SHANK2: variants seen among roughly 807,000 people sequenced by gnomAD.
SHANK2 encodes SH3 and multiple ankyrin repeat domains protein 2.
A neutral mutation model predicts 133.7 loss-of-function variants in SHANK2; 43 were observed. That is an observed-to-expected ratio of 0.32 (90% confidence interval 0.25 to 0.41). The LOEUF is 0.41. Among genes scored for constraint, SHANK2 ranks in the 10% least tolerant of loss-of-function variants. SHANK2 has a pLI of 1.00. For synonymous variants in SHANK2, 1,017 were observed against 952.8 expected, an observed-to-expected ratio of 1.07 and a Z score of -1.24; for missense variants, 1,994 against 2,235.8, an observed-to-expected ratio of 0.89 and a Z score of 2.18.
chr11:70,640,500 G>A (rs1360609170), intron 17 of SHANK2, among the ~76,000 whole-genome samples: 4 of 152,240 alleles, frequency 2.6e-5, no homozygotes, highest in South Asian at 2.1e-4. Context: ...GTGAGTGAAC[G>A]CATCGCTGTT....
chr11:70,696,306 C>G (rs1555022224), intron 15 of SHANK2, among the ~76,000 whole-genome samples: 1 of 152,188 alleles, frequency 6.6e-6, no homozygotes, highest in Non-Finnish European at 1.5e-5. Context: ...ACTACAACAC[C>G]CTAGCCAGCT....
chr11:70,825,240 C>G (rs1401137564), intron 11 of SHANK2, among the ~76,000 whole-genome samples: 1 of 152,124 alleles, frequency 6.6e-6, no homozygotes, highest in Admixed American at 6.5e-5. Flanking sequence ...TATAAAAGAA[C>G]AGAACAGATA....
chr11:70,772,246 C>T (rs1159551580), intron 14 of SHANK2, among the ~76,000 whole-genome samples: 4 of 151,810 alleles, frequency 2.6e-5, no homozygotes, highest in South Asian at 4.2e-4. Flanking sequence ...TTGAGACCAG[C>T]CTGGCCAACA....
chr11:71,084,929 A>T (rs1243222566), intron 8 of SHANK2, among the ~76,000 whole-genome samples: 1 of 152,134 alleles, frequency 6.6e-6, no homozygotes, highest in Non-Finnish European at 1.5e-5. Flanking sequence ...GCTCAGGACA[A>T]TGAATGCCCC....
intron 17 of SHANK2, among the ~76,000 whole-genome samples, chr11:70,641,136 C>T (rs1421323535): frequency 6.9e-6 from 1 of 144,194 alleles, no homozygotes; most frequent in Non-Finnish European, 1.5e-5. Context: ...TGCTGTGTTG[C>T]CCAGGCTGGA....
chr11:70,863,537 A>G (rs1949297651), intron 11 of SHANK2: 2 of 457,892 alleles, frequency 4.4e-6, no homozygotes, highest in Admixed American at 2.3e-5. Flanking sequence ...GCAAATCCTC[A>G]TTTTAACTCT....
intron 10 of SHANK2, among the ~76,000 whole-genome samples, chr11:70,928,883 T>G (rs562796060): frequency 6.6e-6 from 1 of 151,980 alleles, no homozygotes; most frequent in African/African-American, 2.4e-5. Context: ...TGAAGAACGG[T>G]AGGGGGTGAC....
chr11:71,177,862 CAAT>C (rs1451663307), intron 2 of SHANK2, among the ~76,000 whole-genome samples: 5 of 151,990 alleles, frequency 3.3e-5, no homozygotes, highest in South Asian at 2.1e-4. Context: ...ATCAAAACAA[CAAT>C]GAGATACCAC....
At chr11:70,481,922 G>A (rs1410935654) in intron 25 of SHANK2, among the ~76,000 whole-genome samples, 4 of 151,342 alleles carry the variant, frequency 2.6e-5, no homozygotes, top group African/African-American at 7.3e-5. Context: ...CAGCCCTCAC[G>A]GCAAGGGGGA....
chr11:70,500,527 G>A lies in SHANK2; in HGVS notation c.2308+43C>T, dbSNP rs782188402. 2.5e-6 allele frequency: 4 copies of A among 1,590,390 alleles called. No homozygotes were observed. The African/African-American group carries it at 4.0e-5, about 16-fold the overall frequency. ...AAAGGATGTTTCTGTTCCACAGGGG[G>A]GTGATGGGCAGGGGGCTGAGACAGA... On this transcript the variant is annotated intron_variant, in intron 21 of 25. Coordinates refer to ENST00000601538, the MANE Select transcript of SHANK2 (RefSeq NM_012309.5). This position sits in a 1 kb window ranked among gnomAD's most constrained non-coding sequence, Gnocchi z 4.5.
At chr11:71,240,430 C>G (rs1201295314) in intron 1 of SHANK2, among the ~76,000 whole-genome samples, 1 of 152,160 alleles carries the variant, frequency 6.6e-6, no homozygotes, top group Non-Finnish European at 1.5e-5. Flanking sequence ...TTGCTGCTAA[C>G]TCAAAGGAAG....
intron 11 of SHANK2, among the ~76,000 whole-genome samples, chr11:70,834,200 C>T (rs1201980474): frequency 1.3e-5 from 2 of 152,188 alleles, no homozygotes; most frequent in East Asian, 1.9e-4. Flanking sequence ...AGCACCTGAG[C>T]CTATTTCCAC....
intron 10 of SHANK2, among the ~76,000 whole-genome samples, chr11:70,896,819 A>G (rs1949942807): frequency 6.6e-6 from 1 of 152,148 alleles, no homozygotes. Flanking sequence ...CTCTGTCCAG[A>G]AGGCATGTGG....
chr11:70,769,679 G>A (rs1947204669), intron 14 of SHANK2, among the ~76,000 whole-genome samples: 1 of 152,202 alleles, frequency 6.6e-6, no homozygotes, highest in Non-Finnish European at 1.5e-5. Context: ...TGAAGCATGT[G>A]CAGCATGTGT....
intron 14 of SHANK2, among the ~76,000 whole-genome samples, chr11:70,701,577 T>C (rs183409297): frequency 0.026 from 3,379 of 129,310 alleles, 65 homozygotes; most frequent in Non-Finnish European, 0.034. Flanking sequence ...ATTTTTATAT[T>C]TTTTTTTTCG....
chr11:70,908,210 A>G (rs1212474846), intron 10 of SHANK2: 4 of 214,130 alleles, frequency 1.9e-5, no homozygotes, highest in African/African-American at 7.0e-5. Context: ...TAAGGGCTGC[A>G]TGGGTCTGAG....
intron 6 of SHANK2, among the ~76,000 whole-genome samples, chr11:71,107,481 G>A (rs868950040): frequency 7.9e-5 from 12 of 152,292 alleles, no homozygotes; most frequent in South Asian, 2.1e-4. Context: ...GCTTGTCATC[G>A]TGGGAATATT....
chr11:71,119,578 C>CAAA lies in SHANK2; in HGVS notation c.208-549_208-547dup, dbSNP rs55759811. 2.6e-3 allele frequency among the ~76,000 whole-genome samples: 343 copies of CAAA among 134,428 alleles called. 4 individuals carry two copies. The highest frequency in any genetic ancestry group is 8.1e-3 in the African/African-American group (271 of 33,604). 88.2% of individuals were successfully genotyped at this position (134,428 alleles called of 152,430 possible). ...CTGGCGACAAGGCGAGACTCCATCT[C>CAAA]AAAAAAAAAAAAAAAAATTCTCTAG... On this transcript the variant is annotated intron_variant, in intron 3 of 25. Coordinates refer to ENST00000601538, the MANE Select transcript of SHANK2 (RefSeq NM_012309.5).
rs563906190 is a variant in SHANK2 at position 70,742,437 on chromosome 11, T to C, written c.1778-43674A>G. 2.0e-5 allele frequency among the ~76,000 whole-genome samples: 3 copies of C among 152,344 alleles called. No homozygotes were observed. In the South Asian group the frequency reaches 6.2e-4, roughly 32 times the overall value. ...GGAATGCTTTTTCAAAAGGTAGGCA[T>C]ATTAGTTCTCTGCCTAGGTCCAGGA... On this transcript the variant is annotated intron_variant, in intron 14 of 25. Coordinates refer to ENST00000601538, the MANE Select transcript of SHANK2 (RefSeq NM_012309.5).
Sources: gnomAD v4.1 joint callset for allele counts (sites outside exome capture counted in the v4.1 genomes callset) on GRCh38, gnomAD v4.1.1 for gene constraint, Gnocchi (gnomAD v3.1) non-coding constraint, MANE v1.5 for transcripts, NCBI Gene and HGNC (gene_info 2026-07-23, HGNC 2026-07-21) for gene names.